RPS6KB1: variants seen among roughly 807,000 people sequenced by gnomAD.
RPS6KB1 encodes ribosomal protein S6 kinase beta-1.
Under a neutral mutation model 70.2 loss-of-function variants are expected in RPS6KB1, and 12 were observed. The ratio of observed to expected loss-of-function variants is 0.17; its 90% CI spans 0.11 to 0.28. The LOEUF (loss-of-function observed/expected upper bound fraction) is 0.28, where lower values mean the gene tolerates loss of function less well. RPS6KB1 is among the 10% of genes least tolerant of loss of function. The pLI is 1.00. For missense variants in RPS6KB1, 270 were observed against 646.6 expected, an observed-to-expected ratio of 0.42 and a Z score of 6.32; for synonymous variants, 175 against 211.2, an observed-to-expected ratio of 0.83 and a Z score of 1.49.
chr17:59,938,617 G>A (rs1340399430), intron 12 of RPS6KB1, among the ~76,000 whole-genome samples: 1 of 151,644 alleles, frequency 6.6e-6, no homozygotes, highest in African/African-American at 2.4e-5. Context: ...TCCAAAAACT[G>A]GTAGTTAAAT....
chr17:59,913,559 A>C (rs1307953039), intron 3 of RPS6KB1, among the ~76,000 whole-genome samples: 1 of 152,210 alleles, frequency 6.6e-6, no homozygotes, highest in Non-Finnish European at 1.5e-5. Context: ...GTTGTCTTTC[A>C]GTATGGGGGA....
chr17:59,941,785 C>T (rs2044608695), intron 13 of RPS6KB1, among the ~76,000 whole-genome samples: 2 of 151,712 alleles, frequency 1.3e-5, no homozygotes, highest in Non-Finnish European at 2.9e-5. Flanking sequence ...AGGCGTGCGC[C>T]ACCACGCCCA....
chr17:59,940,765 A>T (rs1333702408), intron 12 of RPS6KB1, 71 bp from the exon 13 acceptor site: 1 of 897,074 alleles, frequency 1.1e-6, no homozygotes, highest in East Asian at 2.7e-5. Flanking sequence ...GAGCTCCCAG[A>T]GCTTACAGTG....
chr17:59,907,950 G>A (rs1476666761), intron 1 of RPS6KB1, among the ~76,000 whole-genome samples: 1 of 151,924 alleles, frequency 6.6e-6, no homozygotes, highest in Non-Finnish European at 1.5e-5. Flanking sequence ...TTTATTCAAT[G>A]GTCAGAATAA....
chr17:59,905,460 T>G (rs1182143214), intron 1 of RPS6KB1, among the ~76,000 whole-genome samples: 1 of 152,058 alleles, frequency 6.6e-6, no homozygotes, highest in Non-Finnish European at 1.5e-5. Context: ...ATTTACTCCC[T>G]CCTATGCTTC....
At chr17:59,910,944 G>C (rs975445867) in intron 2 of RPS6KB1, among the ~76,000 whole-genome samples, 2 of 152,102 alleles carry the variant, frequency 1.3e-5, no homozygotes, top group African/African-American at 4.8e-5. Context: ...TTTCTGTTTT[G>C]CTTAAATATA....
Position 59,912,680 on chromosome 17 carries a change from C to A in RPS6KB1, c.192-4C>A, listed in dbSNP as rs2144793338. ...TTTATTTTTGGTTTTGCTTTTCTTCCCAGTGGCATGGAACATTGTGAGAAA... is the reference window on the plus strand; with the variant it reads ...TTTATTTTTGGTTTTGCTTTTCTTCACAGTGGCATGGAACATTGTGAGAAA... On this transcript the variant is annotated splice_polypyrimidine_tract_variant and splice_region_variant and intron_variant, in intron 2 of 14. Coordinates refer to ENST00000225577, the MANE Select transcript of RPS6KB1 (RefSeq NM_003161.4). 6.2e-7 allele frequency: 1 copy of A among 1,606,706 alleles called. No individual in the cohort carries two copies. The highest frequency in any genetic ancestry group is 8.5e-7 in the Non-Finnish European group (1 of 1,176,152).
chr17:59,903,267 T>C (rs2042064600), intron 1 of RPS6KB1, among the ~76,000 whole-genome samples: 1 of 150,064 alleles, frequency 6.7e-6, no homozygotes, highest in East Asian at 2.0e-4. Context: ...ATAGCACCAC[T>C]GCACTCCAGC....
chr17:59,893,710 T>A lies in RPS6KB1; in HGVS notation c.141+385T>A. The A allele has an allele frequency of 1.1e-6, 1 of 913,520 alleles. No homozygotes were observed. Among genetic ancestry groups the A allele is most frequent in the Non-Finnish European group, 1.3e-6 (1 of 755,312 alleles). The allele number at this position is 913,520 out of a possible 1,614,324, so 56.6% of individuals were successfully genotyped here. The stretch of plus-strand genomic sequence containing the variant: ...GTAAGTGCAGGCGAAGTGTGGAGGG[T>A]TTCCCTTCGAGTCTAGAATTTCAAG... On this transcript the variant is annotated intron_variant, in intron 1 of 14. Transcript: ENST00000225577. This position sits in a 1 kb window ranked among gnomAD's most constrained non-coding sequence, Gnocchi z 4.1.
intron 5 of RPS6KB1, among the ~76,000 whole-genome samples, chr17:59,928,154 TCTCACA>T (rs992235581): frequency 1.8e-5 from 2 of 108,532 alleles, no homozygotes; most frequent in African/African-American, 8.8e-5. Context: ...CAAGACTCAG[TCTCACA>T]CACACACACA....
intron 4 of RPS6KB1, 58 bp downstream of exon 4, chr17:59,914,761 G>A: frequency 8.1e-7 from 1 of 1,227,696 alleles, no homozygotes; most frequent in Non-Finnish European, 1.2e-6. Context: ...CTTGATCTCA[G>A]CCAAAAGGCT....
Position 59,946,454 on chromosome 17 carries a change from A to G in RPS6KB1, c.1341-97A>G. On this transcript the variant is annotated intron_variant, in intron 14 of 14. Transcript: ENST00000225577. This position sits in a 1 kb window ranked among gnomAD's most constrained non-coding sequence, Gnocchi z 4.2. Reference sequence around the variant, plus strand: ...GTGAAAATAAAATTAAATGAAAATAAATGTCATGTTACCCCACTCCCTTTA... The same window carrying G: ...GTGAAAATAAAATTAAATGAAAATAGATGTCATGTTACCCCACTCCCTTTA... 1.1e-6 allele frequency: 1 copy of G among 931,726 alleles called. No individual in the cohort carries two copies. The highest frequency in any genetic ancestry group is 2.4e-5 in the East Asian group (1 of 41,322). The allele number at this position is 931,726 out of a possible 1,614,324, so 57.7% of individuals were successfully genotyped here.
intron 13 of RPS6KB1, among the ~76,000 whole-genome samples, chr17:59,944,991 G>A (rs148249342): frequency 2.5e-3 from 380 of 151,708 alleles, no homozygotes; most frequent in African/African-American, 8.9e-3. Context: ...TAGTAGAGAC[G>A]GTGTTTCACC....
chr17:59,898,254 A>G (rs908892231), intron 1 of RPS6KB1, among the ~76,000 whole-genome samples: 3 of 152,178 alleles, frequency 2.0e-5, no homozygotes, highest in Non-Finnish European at 4.4e-5. Flanking sequence ...AAAATTTGAA[A>G]TAATCACGCA....
intron 4 of RPS6KB1, among the ~76,000 whole-genome samples, chr17:59,917,143 G>A (rs951457557): frequency 6.6e-6 from 1 of 152,092 alleles, no homozygotes; most frequent in Admixed American, 6.6e-5. Flanking sequence ...TTTTGAGATA[G>A]GGTCTCGCCC....
chr17:59,902,578 C>CTTTTTTTTTTT (rs559757964), intron 1 of RPS6KB1, among the ~76,000 whole-genome samples: 1 of 134,352 alleles, frequency 7.4e-6, no homozygotes, highest in Non-Finnish European at 1.6e-5. Context: ...TTTTTTGTTT[C>CTTTTTTTTTTT]TTTTTTTTTT....
chr17:59,938,842 G>A (rs769146200), intron 12 of RPS6KB1, among the ~76,000 whole-genome samples: 1 of 151,952 alleles, frequency 6.6e-6, no homozygotes, highest in African/African-American at 2.4e-5. Context: ...GTCACAGGTT[G>A]GGGGAGGGAA....
intron 9 of RPS6KB1, 139 bp from the exon 10 acceptor site, chr17:59,935,050 CAGTT>C (rs2144991095): frequency 1.7e-6 from 1 of 574,246 alleles, no homozygotes; most frequent in South Asian, 2.2e-5. Context: ...AGGTCTTTAG[CAGTT>C]AGCCCATTTC....
At position 59,912,821 on chromosome 17, in the gene RPS6KB1, A is replaced by T. The variant is rs1406216305; in HGVS notation, c.312+17A>T. On this transcript the variant is annotated intron_variant, in intron 3 of 14. Coordinates refer to ENST00000225577, the MANE Select transcript of RPS6KB1 (RefSeq NM_003161.4). The stretch of plus-strand genomic sequence containing the variant: ...TATGGAAAGGTAGGCAATATTTTTG[A>T]AATGAGAGCTGTTGTCTGTCTTGAA... The T allele has an allele frequency of 1.2e-6, 2 of 1,613,016 alleles. No individual in the cohort carries two copies. The highest frequency in any genetic ancestry group is 1.7e-5 in the Admixed American group (1 of 59,878).
Sources: gnomAD v4.1 joint callset for allele counts (sites outside exome capture counted in the v4.1 genomes callset) on GRCh38, gnomAD v4.1.1 for gene constraint, Gnocchi (gnomAD v3.1) non-coding constraint, MANE v1.5 for transcripts, NCBI Gene and HGNC (gene_info 2026-07-23, HGNC 2026-07-21) for gene names.